Variants in KLHL18 observed in about 807,000 individuals in gnomAD.
The protein encoded by KLHL18 is kelch like family member 18, also known as kelch-like protein 18.
A neutral mutation model predicts 58.5 loss-of-function variants in KLHL18; 38 were observed. The observed-to-expected ratio is 0.65, with a 90% CI of 0.50 to 0.85. The LOEUF is 0.85. Ranked by LOEUF, KLHL18 falls within the 40% of genes least tolerant of loss-of-function variation. KLHL18 has a pLI of 0.00. For missense variants in KLHL18, 624 were observed against 778.4 expected (o/e 0.80, Z 2.36); for synonymous variants, 303 against 301.9 (o/e 1.00, Z -0.04).
Position 47,305,309 on chromosome 3 carries a change from ATGGATGAGTGC to A in KLHL18, c.130-14341_130-14331del, listed in dbSNP as rs1381402799. On this transcript the variant is annotated intron_variant, in intron 1 of 9. Transcript: ENST00000232766. ...TCCTAGTGTTCTGAGAATTTTTATT[ATGGATGAGTGC>A]TGAATTTTGTCAAGTTTTTTTTTTT... Among the ~76,000 whole-genome samples, 3 of 113,504 alleles carry A rather than the reference ATGGATGAGTGC, an allele frequency of 2.6e-5. No homozygotes were observed. The Admixed American group carries it at 2.7e-4, about 10-fold the overall frequency. 74.5% of individuals were successfully genotyped at this position (113,504 alleles called of 152,430 possible).
At chr3:47,342,078 CCTGTCTCAAAAATAAAAAAAAATTAAAA>C (rs1704122171) in intron 8 of KLHL18, among the ~76,000 whole-genome samples, 1 of 151,700 alleles carries the variant, frequency 6.6e-6, no homozygotes, top group Admixed American at 6.6e-5. Context: ...AGAGTGAGAC[CCTGTCTCAAAAATAAAAAAAAATTAAAA>C]ACCACATGAA....
chr3:47,290,808 A>G (rs1009431938), intron 1 of KLHL18, among the ~76,000 whole-genome samples: 6 of 152,232 alleles, frequency 3.9e-5, no homozygotes, highest in Non-Finnish European at 5.9e-5. Context: ...GAGGAAGAAC[A>G]TGCTCCTTGA....
At chr3:47,340,874 A>G (rs1704095261) in intron 8 of KLHL18, among the ~76,000 whole-genome samples, 198 bp downstream of exon 8, 2 of 152,210 alleles carry the variant, frequency 1.3e-5, no homozygotes, top group African/African-American at 4.8e-5. Context: ...TTTAAAACAA[A>G]TAGTCTACAT....
chr3:47,318,530 G>C (rs1289159797), intron 1 of KLHL18, among the ~76,000 whole-genome samples: 4 of 152,200 alleles, frequency 2.6e-5, no homozygotes, highest in Admixed American at 2.6e-4. Context: ...CTGCACAAGG[G>C]TGTAAATACC....
Position 47,298,374 on chromosome 3 carries a change from A to AG in KLHL18, c.129+15281dup, listed in dbSNP as rs1223563245. Among the ~76,000 whole-genome samples, 47 of 145,344 alleles carry AG rather than the reference A, an allele frequency of 3.2e-4. No homozygotes were observed. In the Admixed American group the frequency reaches 3.3e-3, roughly 10 times the overall value. On this transcript the variant is annotated intron_variant, in intron 1 of 9. Coordinates refer to ENST00000232766, the MANE Select transcript of KLHL18 (RefSeq NM_025010.5). ...TCTCTAAAAAAAAAAAAAAAAAAAG[A>AG]GAAAAAAACCTGTTTAGGGTTTGGA... is the stretch of plus-strand genomic sequence containing the variant.
chr3:47,314,967 A>G (rs1166527210), intron 1 of KLHL18, among the ~76,000 whole-genome samples: 3 of 152,164 alleles, frequency 2.0e-5, no homozygotes, highest in Non-Finnish European at 4.4e-5. Context: ...TGGTGCACAT[A>G]CAGCTTGTTC....
intron 1 of KLHL18, among the ~76,000 whole-genome samples, chr3:47,308,977 G>C (rs1463420651): frequency 6.6e-6 from 1 of 152,074 alleles, no homozygotes; most frequent in South Asian, 2.1e-4. Context: ...TGACTCTTAA[G>C]GAGCATGCTG....
intron 4 of KLHL18, among the ~76,000 whole-genome samples, chr3:47,330,984 G>A (rs1397103685): frequency 2.7e-5 from 4 of 149,312 alleles, no homozygotes; most frequent in African/African-American, 7.4e-5. Context: ...CGCCCATCTT[G>A]GCCTCCCAAA....
chr3:47,308,424 T>A (rs59689369), intron 1 of KLHL18, among the ~76,000 whole-genome samples: 55,771 of 152,020 alleles, frequency 0.37, 10,737 homozygotes, highest in Middle Eastern at 0.5. Context: ...AGAGTCTTGT[T>A]CTGTCCCCCA....
intron 7 of KLHL18, 97 bp downstream of exon 7, chr3:47,336,854 G>A (rs1192983546): frequency 7.1e-6 from 7 of 988,904 alleles, no homozygotes; most frequent in Non-Finnish European, 9.3e-6. Context: ...TAAAATACAA[G>A]CTTTGGCCTG....
chr3:47,310,130 G>A (rs1703264550), intron 1 of KLHL18, among the ~76,000 whole-genome samples: 1 of 152,088 alleles, frequency 6.6e-6, no homozygotes, highest in African/African-American at 2.4e-5. Context: ...CTTTCTTTGG[G>A]AACACCTGTC....
intron 1 of KLHL18, among the ~76,000 whole-genome samples, chr3:47,311,210 C>T (rs183819604): frequency 6.6e-6 from 1 of 151,952 alleles, no homozygotes; most frequent in Admixed American, 6.6e-5. Flanking sequence ...GGGGTTTTAC[C>T]ATGTTAGCCA....
intron 1 of KLHL18, among the ~76,000 whole-genome samples, chr3:47,297,933 C>T (rs1397611981): frequency 6.6e-6 from 1 of 152,074 alleles, no homozygotes; most frequent in Non-Finnish European, 1.5e-5. Flanking sequence ...AAGTCAGAGG[C>T]CCCTCAGAGG....
At chr3:47,299,804 G>A (rs754658715) in intron 1 of KLHL18, among the ~76,000 whole-genome samples, 6 of 134,526 alleles carry the variant, frequency 4.5e-5, no homozygotes, top group Non-Finnish European at 9.2e-5. Flanking sequence ...TCCAGCCTGC[G>A]TGACAGAGTG....
At chr3:47,316,603 GTATA>G (rs1347282678) in intron 1 of KLHL18, among the ~76,000 whole-genome samples, 6 of 136,104 alleles carry the variant, frequency 4.4e-5, no homozygotes, top group Admixed American at 2.2e-4. Context: ...ACGTATATAT[GTATA>G]TGTGTGTATA....
Position 47,344,241 on chromosome 3 carries a change from AC to A in KLHL18, c.*302del. The A allele has an allele frequency of 2.6e-6, 1 of 384,504 alleles. No homozygotes were observed. Among genetic ancestry groups the A allele is most frequent in the Non-Finnish European group, 4.7e-6 (1 of 213,266 alleles). The allele number at this position is 384,504 out of a possible 1,614,324, so 23.8% of individuals were successfully genotyped here. ...CTCCATCCAGGCCCAGCTCCTACCC[AC>A]CGCCTCTCTGTGGGCCAGCTGTTCA... is the stretch of plus-strand genomic sequence containing the variant. On this transcript the variant is annotated 3_prime_UTR_variant, in exon 10 of 10. Coordinates refer to ENST00000232766, the MANE Select transcript of KLHL18 (RefSeq NM_025010.5).
chr3:47,285,047 T>C (rs2107567567), intron 1 of KLHL18, among the ~76,000 whole-genome samples: 1 of 151,956 alleles, frequency 6.6e-6, no homozygotes, highest in Non-Finnish European at 1.5e-5. Flanking sequence ...GCTCCTGACC[T>C]CGTGATCCGC....
chr3:47,312,088 A>G (rs1703315122), intron 1 of KLHL18, among the ~76,000 whole-genome samples: 1 of 152,218 alleles, frequency 6.6e-6, no homozygotes, highest in African/African-American at 2.4e-5. Context: ...AGGAAGTCCC[A>G]TGATTGCCCC....
At chr3:47,326,160 C>A (rs1165810818) in intron 3 of KLHL18, among the ~76,000 whole-genome samples, 1 of 152,082 alleles carries the variant, frequency 6.6e-6, no homozygotes, top group Non-Finnish European at 1.5e-5. Flanking sequence ...GTTGGCCAGG[C>A]TGGTCTTGAT....
Sources: allele counts gnomAD v4.1 joint callset (sites outside exome capture counted in the v4.1 genomes callset), GRCh38; gene constraint gnomAD v4.1.1; transcripts MANE v1.5; gene names NCBI Gene and HGNC (gene_info 2026-07-23, HGNC 2026-07-21).